Variants in ATE1 observed in about 807,000 individuals in gnomAD.
The protein encoded by ATE1 is arginyltransferase 1, also known as arginyl-tRNA--protein transferase 1.
ATE1 carries 36 observed loss-of-function variants against 70.5 expected under a neutral mutation model. That is an observed-to-expected ratio of 0.51 (90% CI 0.39 to 0.67). ATE1 has a LOEUF of 0.67. Among genes scored for constraint, ATE1 ranks in the 30% least tolerant of loss-of-function variants. ATE1 has a pLI of 0.00. For missense variants in ATE1, 593 were observed against 629.5 expected (o/e 0.94, Z 0.62); for synonymous variants, 232 against 219.3 (o/e 1.06, Z -0.51).
At chr10:121,822,487 C>G (rs1947837954) in intron 10 of ATE1, among the ~76,000 whole-genome samples, 2 of 152,126 alleles carry the variant, frequency 1.3e-5, no homozygotes, top group South Asian at 4.1e-4. Context: ...GAAAATTCAT[C>G]AAGCTGTATA....
At chr10:121,880,523 C>G (rs868628510) in intron 7 of ATE1, among the ~76,000 whole-genome samples, 1 of 150,768 alleles carries the variant, frequency 6.6e-6, no homozygotes, top group Non-Finnish European at 1.5e-5. Flanking sequence ...AAATTTTGAG[C>G]TATTTCTGGA....
chr10:121,905,624 C>T (rs746562950), intron 5 of ATE1, among the ~76,000 whole-genome samples: 100 of 152,024 alleles, frequency 6.6e-4, no homozygotes, highest in Non-Finnish European at 1.0e-3. Flanking sequence ...GGCGGATCAC[C>T]TGAGGTCAGG....
At chr10:121,831,417 T>C (rs923140829) in intron 10 of ATE1, among the ~76,000 whole-genome samples, 1 of 152,162 alleles carries the variant, frequency 6.6e-6, no homozygotes, top group African/African-American at 2.4e-5. Flanking sequence ...ACACATTCCA[T>C]AACACAGCTA....
chr10:121,796,810 G>C (rs1434338521), intron 10 of ATE1, among the ~76,000 whole-genome samples: 1 of 152,142 alleles, frequency 6.6e-6, no homozygotes, highest in Non-Finnish European at 1.5e-5. Context: ...GTGTCTTCTG[G>C]AAGAGGAGAT....
intron 5 of ATE1, among the ~76,000 whole-genome samples, chr10:121,908,706 A>G (rs1951300144): frequency 6.6e-6 from 1 of 152,210 alleles, no homozygotes; most frequent in Non-Finnish European, 1.5e-5. Flanking sequence ...CATCTCCTGA[A>G]AGACCACTCT....
intron 10 of ATE1, among the ~76,000 whole-genome samples, chr10:121,824,987 C>CG (rs1947949482): frequency 6.7e-6 from 1 of 149,330 alleles, no homozygotes; most frequent in Admixed American, 6.7e-5. Flanking sequence ...TTCAAGCATA[C>CG]GCCAAAAAGG....
intron 2 of ATE1, among the ~76,000 whole-genome samples, 198 bp downstream of exon 2, chr10:121,924,068 T>C (rs1951985194): frequency 1.3e-5 from 2 of 152,242 alleles, no homozygotes; most frequent in African/African-American, 4.8e-5. Flanking sequence ...TTCATTCTAA[T>C]GTACTCTCTG....
At chr10:121,911,555 A>G (rs7074344) in intron 4 of ATE1, among the ~76,000 whole-genome samples, 138,132 of 152,186 alleles carry the variant, frequency 0.91, 62,829 homozygotes, top group Middle Eastern at 0.96. Context: ...CAACTGATAC[A>G]TCCAATTATG....
intron 10 of ATE1, among the ~76,000 whole-genome samples, chr10:121,796,329 C>T (rs1256508418): frequency 6.6e-6 from 1 of 152,104 alleles, no homozygotes; most frequent in Non-Finnish European, 1.5e-5. Context: ...AGAAAGGATG[C>T]TTACTTTTTA....
At chr10:121,815,369 T>C (rs183711141) in intron 10 of ATE1, among the ~76,000 whole-genome samples, 94 of 152,272 alleles carry the variant, frequency 6.2e-4, no homozygotes, top group African/African-American at 2.2e-3. Flanking sequence ...TCTCCTGACC[T>C]TGTGATCCGC....
chr10:121,878,542 G>A (rs909315765), intron 7 of ATE1, among the ~76,000 whole-genome samples: 80 of 150,978 alleles, frequency 5.3e-4, no homozygotes, highest in Admixed American at 2.1e-3. Flanking sequence ...GCAGTGAACC[G>A]AGATCACACG....
chr10:121,800,804 A>G (rs929473241), intron 10 of ATE1, among the ~76,000 whole-genome samples: 3 of 152,206 alleles, frequency 2.0e-5, no homozygotes, highest in Admixed American at 2.0e-4. Flanking sequence ...ACATAAACAA[A>G]AGTAGTTCAA....
chr10:121,870,785 A>G (rs969495964), intron 7 of ATE1, among the ~76,000 whole-genome samples: 1 of 152,248 alleles, frequency 6.6e-6, no homozygotes, highest in Non-Finnish European at 1.5e-5. Context: ...AAATTGTAGT[A>G]TACCTCTGAA....
At chr10:121,809,375 AG>A (rs1266192776) in intron 10 of ATE1, among the ~76,000 whole-genome samples, 1 of 152,158 alleles carries the variant, frequency 6.6e-6, no homozygotes, top group African/African-American at 2.4e-5. Context: ...CAGCTACACG[AG>A]TGTTTTTCCT....
chr10:121,823,562 C>G (rs1947887399), intron 10 of ATE1, among the ~76,000 whole-genome samples: 1 of 152,174 alleles, frequency 6.6e-6, no homozygotes, highest in East Asian at 1.9e-4. Context: ...ACAGATAGTG[C>G]CCAGCAGCCA....
chr10:121,927,710 C>T, intron 1 of ATE1, 134 bp downstream of exon 1: 1 of 1,343,378 alleles, frequency 7.4e-7, no homozygotes, highest in South Asian at 1.8e-5. Context: ...GCGGCCCTCC[C>T]GAGAGTGCCC....
intron 7 of ATE1, chr10:121,898,964 C>T (rs1325689835): frequency 1.2e-6 from 2 of 1,613,132 alleles, no homozygotes; most frequent in African/African-American, 2.7e-5. Context: ...CAGGTACTAA[C>T]CTCACCTTCA....
chr10:121,814,048 G>A (rs558749117), intron 10 of ATE1, among the ~76,000 whole-genome samples: 2 of 152,306 alleles, frequency 1.3e-5, no homozygotes, highest in East Asian at 3.9e-4. Context: ...GAGTGAAACG[G>A]ACTTCCCTGT....
chr10:121,791,948 G>A (rs1385841811), intron 10 of ATE1, among the ~76,000 whole-genome samples: 4 of 152,186 alleles, frequency 2.6e-5, no homozygotes, highest in Admixed American at 6.5e-5. Flanking sequence ...ACCAGGTGCT[G>A]TGTGAGTCAC....
Sources: gnomAD v4.1 joint callset for allele counts (sites outside exome capture counted in the v4.1 genomes callset) on GRCh38, gnomAD v4.1.1 for gene constraint, MANE v1.5 for transcripts, NCBI Gene and HGNC (gene_info 2026-07-23, HGNC 2026-07-21) for gene names.